Variants in PLCE1 observed in about 807,000 individuals in gnomAD.
PLCE1 encodes the protein phospholipase C epsilon 1.
In PLCE1, 119 loss-of-function variants were observed where a neutral mutation model predicts 242.8. The observed-to-expected ratio is 0.49, with a 90% CI of 0.42 to 0.57. PLCE1 has a LOEUF of 0.57. Among genes scored for constraint, PLCE1 ranks in the 20% least tolerant of loss-of-function variants. PLCE1 has a pLI of 0.00. For missense variants in PLCE1, 2,441 were observed against 2,788.8 expected (o/e 0.88, Z 2.81); for synonymous variants, 945 against 1,017.4 (o/e 0.93, Z 1.35).
At chr10:94,145,629 C>T (rs939754628) in intron 3 of PLCE1, among the ~76,000 whole-genome samples, 2 of 152,126 alleles carry the variant, frequency 1.3e-5, no homozygotes, top group African/African-American at 4.8e-5. Context: ...TCCATACTAA[C>T]CCCCACAAGA....
chr10:94,002,883 A>C (rs988920319), intron 1 of PLCE1, among the ~76,000 whole-genome samples: 1 of 152,250 alleles, frequency 6.6e-6, no homozygotes, highest in Non-Finnish European at 1.5e-5. Flanking sequence ...TCTATCATGA[A>C]GATTGTCAAC....
At chr10:94,187,931 C>T (rs1411534782) in intron 4 of PLCE1, among the ~76,000 whole-genome samples, 1 of 152,028 alleles carries the variant, frequency 6.6e-6, no homozygotes, top group Non-Finnish European at 1.5e-5. Flanking sequence ...ACATTTCCAG[C>T]CCCTACAACC....
At chr10:94,229,966 C>A (rs1458616941) in intron 5 of PLCE1, among the ~76,000 whole-genome samples, 1 of 152,218 alleles carries the variant, frequency 6.6e-6, no homozygotes, top group African/African-American at 2.4e-5. Flanking sequence ...ATTATGGAGG[C>A]AGAGCTTATA....
chr10:94,059,835 G>C (rs2043999611), intron 2 of PLCE1, among the ~76,000 whole-genome samples: 1 of 152,106 alleles, frequency 6.6e-6, no homozygotes. Context: ...CTCTTTTAGT[G>C]AATGTAGTGA....
At chr10:94,029,590 A>T (rs1365451213) in intron 1 of PLCE1, among the ~76,000 whole-genome samples, 1 of 152,124 alleles carries the variant, frequency 6.6e-6, no homozygotes, top group Admixed American at 6.6e-5. Flanking sequence ...CCTGCAAAGA[A>T]TATGATTTCT....
chr10:94,021,379 T>C (rs747918761), intron 1 of PLCE1, among the ~76,000 whole-genome samples: 1 of 151,998 alleles, frequency 6.6e-6, no homozygotes, highest in Non-Finnish European at 1.5e-5. Flanking sequence ...CTTCTAGAAA[T>C]TTTTGTTGTT....
chr10:94,291,344 G>A (rs994186738), intron 22 of PLCE1, among the ~76,000 whole-genome samples: 6 of 152,062 alleles, frequency 3.9e-5, no homozygotes, highest in Non-Finnish European at 7.4e-5. Context: ...CTTCCATCTC[G>A]AAGCTTTAGT....
chr10:94,062,547 A>C (rs2044081051), intron 2 of PLCE1, among the ~76,000 whole-genome samples: 1 of 148,622 alleles, frequency 6.7e-6, no homozygotes, highest in Non-Finnish European at 1.5e-5. Context: ...TATATTAAAC[A>C]CTCAATAAGT....
chr10:94,082,141 T>C (rs2044670706), intron 2 of PLCE1: 1 of 152,176 alleles, frequency 6.6e-6, no homozygotes, highest in Non-Finnish European at 1.5e-5. Context: ...AATTAACAAG[T>C]AACTGCAATG....
intron 2 of PLCE1, among the ~76,000 whole-genome samples, chr10:94,034,176 G>A (rs2134533450): frequency 6.6e-6 from 1 of 152,186 alleles, no homozygotes; most frequent in African/African-American, 2.4e-5. Context: ...AAACTATAGG[G>A]GAAACCGCCC....
At chr10:94,220,917 C>T (rs576698983) in intron 4 of PLCE1, among the ~76,000 whole-genome samples, 6 of 152,290 alleles carry the variant, frequency 3.9e-5, no homozygotes, top group South Asian at 2.1e-4. Flanking sequence ...CGCCGGGCTC[C>T]GCCACTACAC....
At chr10:94,309,968 G>A (rs993466140) in intron 27 of PLCE1, among the ~76,000 whole-genome samples, 4 of 152,186 alleles carry the variant, frequency 2.6e-5, no homozygotes, top group African/African-American at 9.6e-5. Context: ...TGAGGCTACA[G>A]TGAGCTATGA....
chr10:94,302,222 G>A (rs2053063419), intron 24 of PLCE1, among the ~76,000 whole-genome samples: 1 of 152,156 alleles, frequency 6.6e-6, no homozygotes, highest in South Asian at 2.1e-4. Context: ...TGGTCACCAA[G>A]TTAGATTTCA....
At chr10:94,149,378 C>T (rs1040299773) in intron 3 of PLCE1, among the ~76,000 whole-genome samples, 1 of 152,220 alleles carries the variant, frequency 6.6e-6, no homozygotes, top group African/African-American at 2.4e-5. Context: ...TGCCATTTCT[C>T]AATTTCTGAG....
chr10:94,253,796 G>A (rs1208202312), intron 9 of PLCE1, among the ~76,000 whole-genome samples: 1 of 152,130 alleles, frequency 6.6e-6, no homozygotes, highest in Non-Finnish European at 1.5e-5. Context: ...CTAACACTGG[G>A]AATTACATTT....
chr10:94,039,680 C>G (rs2061730583), intron 2 of PLCE1, among the ~76,000 whole-genome samples: 1 of 152,202 alleles, frequency 6.6e-6, no homozygotes, highest in Non-Finnish European at 1.5e-5. Flanking sequence ...GCCACCACAC[C>G]CAGCCTGATT....
chr10:94,007,547 A>T (rs1348871580), intron 1 of PLCE1, among the ~76,000 whole-genome samples: 1 of 150,522 alleles, frequency 6.6e-6, no homozygotes, highest in South Asian at 2.1e-4. Context: ...TTAATTACAG[A>T]AGTGATATAC....
intron 2 of PLCE1, among the ~76,000 whole-genome samples, chr10:94,066,460 G>A (rs1239303314): frequency 6.6e-6 from 1 of 152,160 alleles, no homozygotes; most frequent in Non-Finnish European, 1.5e-5. Flanking sequence ...GGGGCTTGGA[G>A]CACGATCTTT....
At chr10:94,272,347 A>T (rs534304076) in intron 18 of PLCE1, among the ~76,000 whole-genome samples, 3 of 152,316 alleles carry the variant, frequency 2.0e-5, no homozygotes, top group South Asian at 4.1e-4. Flanking sequence ...ACGTCTGTTT[A>T]TAGGCTCTCT....
Sources: gnomAD v4.1 joint callset for allele counts (sites outside exome capture counted in the v4.1 genomes callset) on GRCh38, gnomAD v4.1.1 for gene constraint, MANE v1.5 for transcripts, NCBI Gene and HGNC (gene_info 2026-07-23, HGNC 2026-07-21) for gene names.